The following QKI variants were observed in gnomAD, a reference collection of about 807,000 sequenced individuals.
The protein encoded by QKI is KH domain-containing RNA-binding protein QKI.
A neutral mutation model predicts 39.0 loss-of-function variants in QKI; 10 were observed. That is an observed-to-expected ratio of 0.26 (90% confidence interval 0.16 to 0.43). The LOEUF (loss-of-function observed/expected upper bound fraction) is 0.43, where lower values mean the gene tolerates loss of function less well. Among genes scored for constraint, QKI ranks in the 20% least tolerant of loss-of-function variants. The pLI is 1.00. For synonymous variants in QKI, 204 were observed against 155.4 expected (o/e 1.31, Z -2.33); for missense variants, 218 against 428.0 (o/e 0.51, Z 4.33).
chr6:163,561,258 G>T (rs116904808), intron 4 of QKI, among the ~76,000 whole-genome samples: 1 of 152,130 alleles, frequency 6.6e-6, no homozygotes, highest in South Asian at 2.1e-4. Context: ...GTGCACGCGC[G>T]TGTGTGTATG....
chr6:163,553,394 G>T (rs1782385924), intron 4 of QKI, among the ~76,000 whole-genome samples: 1 of 152,172 alleles, frequency 6.6e-6, no homozygotes, highest in Non-Finnish European at 1.5e-5. Flanking sequence ...GAGCCACCAT[G>T]CCCAGCTCAG....
intron 1 of QKI, among the ~76,000 whole-genome samples, chr6:163,434,681 C>T (rs977919005): frequency 6.6e-6 from 1 of 151,608 alleles, no homozygotes; most frequent in Admixed American, 6.6e-5. Flanking sequence ...TGCCACTGCA[C>T]TCCAGCCTGG....
At chr6:163,484,469 A>G (rs1202090405) in intron 3 of QKI, among the ~76,000 whole-genome samples, 1 of 152,126 alleles carries the variant, frequency 6.6e-6, no homozygotes, top group East Asian at 1.9e-4. Context: ...CCAAAGTGCT[A>G]GGATTACAGG....
chr6:163,532,554 T>C (rs1166261517), intron 3 of QKI, among the ~76,000 whole-genome samples: 1 of 152,210 alleles, frequency 6.6e-6, no homozygotes, highest in African/African-American at 2.4e-5. Context: ...TTAAAATGTA[T>C]TTAGTTGTAC....
At chr6:163,456,189 C>T (rs755955774) in intron 2 of QKI, among the ~76,000 whole-genome samples, 1 of 152,208 alleles carries the variant, frequency 6.6e-6, no homozygotes, top group Non-Finnish European at 1.5e-5. Context: ...TTCAGAGAGG[C>T]TTCCCCTGAC....
At chr6:163,473,250 A>G (rs1168139871) in intron 2 of QKI, among the ~76,000 whole-genome samples, 1 of 152,106 alleles carries the variant, frequency 6.6e-6, no homozygotes, top group Non-Finnish European at 1.5e-5. Context: ...TTTTAGTCCA[A>G]GCTTGTTTAC....
At chr6:163,510,519 C>G (rs573581797) in intron 3 of QKI, among the ~76,000 whole-genome samples, 1 of 152,122 alleles carries the variant, frequency 6.6e-6, no homozygotes, top group South Asian at 2.1e-4. Context: ...CAAGATTGTG[C>G]CACTGCACTC....
chr6:163,426,034 G>A (rs1208659756), intron 1 of QKI, among the ~76,000 whole-genome samples: 2 of 152,168 alleles, frequency 1.3e-5, no homozygotes, highest in Non-Finnish European at 2.9e-5. Flanking sequence ...ACATATTTGT[G>A]TATCTTTAAA....
intron 2 of QKI, among the ~76,000 whole-genome samples, chr6:163,457,166 G>T (rs551384937): frequency 6.6e-6 from 1 of 152,146 alleles, no homozygotes; most frequent in Non-Finnish European, 1.5e-5. Context: ...TAATGTTTCT[G>T]CAGTGGGCAT....
At position 163,448,689 on chromosome 6, in the gene QKI, A is replaced by G. The variant is rs183623228; in HGVS notation, c.143-6590A>G. Among the ~76,000 whole-genome samples the G allele has an allele frequency of 3.4e-3, 514 of 152,264 alleles. 4 individuals carry two copies. The highest frequency in any genetic ancestry group is 0.012 in the African/African-American group (485 of 41,526). ...GAGGCGGAGGTTGCAGTGAGCTAAG[A>G]TTGTGCCATTGCACTCCAGCCTTGG... On this transcript the variant is annotated intron_variant, in intron 1 of 7. Coordinates refer to ENST00000361752, the MANE Select transcript of QKI (RefSeq NM_006775.3).
intron 4 of QKI, among the ~76,000 whole-genome samples, chr6:163,559,700 G>T (rs906475005): frequency 6.6e-6 from 1 of 152,010 alleles, no homozygotes; most frequent in East Asian, 1.9e-4. Flanking sequence ...TTTAATTCTT[G>T]TGATTTACTA....
intron 3 of QKI, among the ~76,000 whole-genome samples, chr6:163,493,832 C>G (rs1778221183): frequency 1.1e-5 from 1 of 93,672 alleles, no homozygotes; most frequent in African/African-American, 3.9e-5. Context: ...TAAAAAATCA[C>G]TTTTTTAAAG....
chr6:163,574,942 C>T lies in QKI; in HGVS notation c.*4232C>T, dbSNP rs972227376. On this transcript the variant is annotated 3_prime_UTR_variant, in exon 8 of 8. Coordinates refer to ENST00000361752, the MANE Select transcript of QKI (RefSeq NM_006775.3). ...ACCAATCAGACTGTCCAGGTATTCT[C>T]ATTTCATAAATATGTATACACACAT... 6.6e-6 allele frequency: 1 copy of T among 152,182 alleles called. No homozygotes were observed. The highest frequency in any genetic ancestry group is 2.4e-5 in the African/African-American group (1 of 41,442). The allele number at this position is 152,182 out of a possible 1,614,324, so 9.4% of individuals were successfully genotyped here.
chr6:163,491,618 A>G (rs1778059879), intron 3 of QKI, among the ~76,000 whole-genome samples: 1 of 152,224 alleles, frequency 6.6e-6, no homozygotes, highest in Admixed American at 6.5e-5. Flanking sequence ...GAAGAGTACA[A>G]AACAGTGCAA....
At chr6:163,533,540 C>T (rs9347760) in intron 3 of QKI, among the ~76,000 whole-genome samples, 64,107 of 152,090 alleles carry the variant, frequency 0.42, 16,772 homozygotes, top group East Asian at 0.72. Flanking sequence ...ACCCTCTTTT[C>T]TTGTTCCACA....
chr6:163,539,453 C>T (rs984111293), intron 4 of QKI, among the ~76,000 whole-genome samples: 2 of 152,048 alleles, frequency 1.3e-5, no homozygotes, highest in East Asian at 1.9e-4. Flanking sequence ...GTACTTTGGC[C>T]TCTCGGTTCT....
chr6:163,569,578 A>G (rs976713324), intron 7 of QKI: 29 of 1,118,240 alleles, frequency 2.6e-5, no homozygotes, highest in Middle Eastern at 3.3e-4. Flanking sequence ...AGGTTGATTA[A>G]GGAAGGAACA....
At chr6:163,482,642 AT>A (rs1043348520) in intron 3 of QKI, among the ~76,000 whole-genome samples, 5 of 149,494 alleles carry the variant, frequency 3.3e-5, no homozygotes, top group African/African-American at 1.2e-4. Context: ...CTTATTTATT[AT>A]AAAGGATATT....
At chr6:163,415,362 G>T (rs1390281304) in intron 1 of QKI, 27 bp downstream of exon 1, 1 of 1,569,152 alleles carries the variant, frequency 6.4e-7, no homozygotes, top group East Asian at 2.3e-5. Flanking sequence ...CCCCGGCCCC[G>T]GCCCGACCCC....
Sources: allele counts gnomAD v4.1 joint callset (sites outside exome capture counted in the v4.1 genomes callset), GRCh38; gene constraint gnomAD v4.1.1; transcripts MANE v1.5; gene names NCBI Gene and HGNC (gene_info 2026-07-23, HGNC 2026-07-21).